The following RBFOX1 variants were observed in gnomAD, a reference collection of about 807,000 sequenced individuals.
RBFOX1 encodes RNA binding fox-1 homolog 1.
Under a neutral mutation model 57.7 loss-of-function variants are expected in RBFOX1, and 8 were observed. The ratio of observed to expected loss-of-function variants is 0.14; its 90% CI spans 0.08 to 0.25. The LOEUF (loss-of-function observed/expected upper bound fraction) is 0.25. Among genes scored for constraint, RBFOX1 ranks in the 10% least tolerant of loss-of-function variants. RBFOX1 has a pLI of 1.00. For missense variants in RBFOX1, 611 were observed against 548.5 expected (o/e 1.11, Z -1.14); for synonymous variants, 326 against 222.4 (o/e 1.47, Z -4.15).
intron 1 of RBFOX1, among the ~76,000 whole-genome samples, chr16:5,274,931 A>G (rs187491038): frequency 4.6e-5 from 7 of 152,172 alleles, no homozygotes; most frequent in Admixed American, 3.9e-4. Context: ...TGGCCACCCA[A>G]CTTGAACAGT....
At chr16:6,910,580 T>G (rs1201457629) in intron 3 of RBFOX1, among the ~76,000 whole-genome samples, 1 of 152,142 alleles carries the variant, frequency 6.6e-6, no homozygotes, top group Non-Finnish European at 1.5e-5. Flanking sequence ...AATCAAAGCC[T>G]CAGCAGGGCT....
At chr16:5,583,823 C>T (rs192542527) in intron 2 of RBFOX1, among the ~76,000 whole-genome samples, 1 of 152,314 alleles carries the variant, frequency 6.6e-6, no homozygotes, top group East Asian at 1.9e-4. Flanking sequence ...GGTTATAAGT[C>T]TGCTGAAATA....
intron 1 of RBFOX1, among the ~76,000 whole-genome samples, chr16:6,210,879 G>T (rs912437061): frequency 2.0e-5 from 3 of 152,198 alleles, no homozygotes; most frequent in Non-Finnish European, 4.4e-5. Flanking sequence ...AGAGGTGTCA[G>T]CTCAGCTGAT....
intron 3 of RBFOX1, among the ~76,000 whole-genome samples, chr16:6,662,338 T>C (rs544876390): frequency 6.6e-6 from 1 of 152,310 alleles, no homozygotes; most frequent in South Asian, 2.1e-4. Flanking sequence ...TTGGTAGTAG[T>C]AATCATTTCA....
intron 4 of RBFOX1, among the ~76,000 whole-genome samples, chr16:7,458,699 T>C (rs1232925705): frequency 6.6e-6 from 1 of 152,140 alleles, no homozygotes; most frequent in African/African-American, 2.4e-5. Flanking sequence ...TCTTACCTAG[T>C]TCACTCCCTC....
At chr16:5,414,029 G>A (rs1461698569) in intron 1 of RBFOX1, among the ~76,000 whole-genome samples, 1 of 152,166 alleles carries the variant, frequency 6.6e-6, no homozygotes, top group African/African-American at 2.4e-5. Context: ...GTCTACTGCA[G>A]GGAGATAAAG....
At chr16:5,701,458 A>G (rs77838697) in intron 3 of RBFOX1, among the ~76,000 whole-genome samples, 3 of 143,178 alleles carry the variant, frequency 2.1e-5, no homozygotes, top group East Asian at 4.2e-4. Context: ...ACCTTCCTCC[A>G]TGTACAAAGG....
intron 1 of RBFOX1, among the ~76,000 whole-genome samples, chr16:5,439,995 T>C (rs1415124758): frequency 2.6e-5 from 4 of 152,186 alleles, no homozygotes; most frequent in African/African-American, 4.8e-5. Flanking sequence ...GCTAAAGATA[T>C]TAGTTTGGCT....
intron 4 of RBFOX1, among the ~76,000 whole-genome samples, chr16:7,353,051 T>G (rs2097155808): frequency 6.6e-6 from 1 of 152,144 alleles, no homozygotes; most frequent in South Asian, 2.1e-4. Flanking sequence ...GGTTACAGGT[T>G]TGTGCATGAG....
At chr16:6,441,768 T>C (rs2094387607) in intron 2 of RBFOX1, among the ~76,000 whole-genome samples, 1 of 152,128 alleles carries the variant, frequency 6.6e-6, no homozygotes, top group Non-Finnish European at 1.5e-5. Flanking sequence ...AGCCAGGATA[T>C]AGCCCATGTT....
chr16:6,933,403 T>C (rs2076876065), intron 3 of RBFOX1, among the ~76,000 whole-genome samples: 2 of 152,222 alleles, frequency 1.3e-5, no homozygotes, highest in African/African-American at 4.8e-5. Context: ...AACACTTATA[T>C]TCAATTTTCA....
At chr16:7,288,434 G>C (rs2095693447) in intron 4 of RBFOX1, among the ~76,000 whole-genome samples, 2 of 152,146 alleles carry the variant, frequency 1.3e-5, no homozygotes, top group Admixed American at 1.3e-4. Context: ...CTGTGAAATG[G>C]GAGGAGTCAC....
chr16:5,685,615 A>C (rs2050481284), intron 3 of RBFOX1, among the ~76,000 whole-genome samples: 1 of 152,210 alleles, frequency 6.6e-6, no homozygotes, highest in South Asian at 2.1e-4. Context: ...AGGTTCTTTC[A>C]TATAAGTTAA....
At chr16:6,857,254 A>G (rs1382422205) in intron 3 of RBFOX1, among the ~76,000 whole-genome samples, 1 of 152,160 alleles carries the variant, frequency 6.6e-6, no homozygotes, top group Admixed American at 6.5e-5. Context: ...TAACTCCCCA[A>G]TCTCTAAATA....
chr16:7,697,652 T>C (rs758216953), intron 14 of RBFOX1, among the ~76,000 whole-genome samples: 2 of 152,158 alleles, frequency 1.3e-5, no homozygotes, highest in Non-Finnish European at 2.9e-5. Flanking sequence ...CAGAAACATT[T>C]AGTAGCTTGC....
At chr16:5,889,873 G>T (rs2058003850) in intron 4 of RBFOX1, among the ~76,000 whole-genome samples, 1 of 152,348 alleles carries the variant, frequency 6.6e-6, no homozygotes, top group Non-Finnish European at 1.5e-5. Context: ...CCCCAGAATG[G>T]CTGGAAAGAG....
intron 4 of RBFOX1, among the ~76,000 whole-genome samples, chr16:7,381,822 A>G (rs192938415): frequency 4.7e-4 from 71 of 152,232 alleles, no homozygotes; most frequent in African/African-American, 1.6e-3. Flanking sequence ...GGGCTGGATC[A>G]TTCTCTATGT....
At chr16:6,461,234 C>T (rs1246785847) in intron 2 of RBFOX1, among the ~76,000 whole-genome samples, 1 of 152,062 alleles carries the variant, frequency 6.6e-6, no homozygotes, top group African/African-American at 2.4e-5. Flanking sequence ...ACCCACACAT[C>T]CTGCACATGT....
At chr16:6,574,823 G>C (rs1421384985) in intron 2 of RBFOX1, among the ~76,000 whole-genome samples, 1 of 150,302 alleles carries the variant, frequency 6.7e-6, no homozygotes, top group African/African-American at 2.4e-5. Context: ...CGGATCACGA[G>C]GTCAGGCGAT....
Sources: allele counts gnomAD v4.1 joint callset (sites outside exome capture counted in the v4.1 genomes callset), GRCh38; gene constraint gnomAD v4.1.1; transcripts MANE v1.5; gene names NCBI Gene and HGNC (gene_info 2026-07-23, HGNC 2026-07-21).